PDE7A: variants seen among roughly 807,000 people sequenced by gnomAD.
PDE7A encodes phosphodiesterase 7A.
PDE7A carries 39 observed loss-of-function variants against 64.3 expected under a neutral mutation model. The ratio of observed to expected loss-of-function variants is 0.61; its 90% CI spans 0.47 to 0.79. PDE7A has a LOEUF of 0.79. Ranked by LOEUF, PDE7A falls within the 30% of genes least tolerant of loss-of-function variation. The pLI is 0.00. For missense variants in PDE7A, 470 were observed against 582.8 expected, an observed-to-expected ratio of 0.81 and a Z score of 1.99; for synonymous variants, 203 against 206.8, an observed-to-expected ratio of 0.98 and a Z score of 0.16.
chr8:65,724,779 G>A lies in PDE7A; in HGVS notation c.1063C>T (p.Gln355Ter), dbSNP rs1307709937. 1 of 1,601,622 alleles carries A rather than the reference G, an allele frequency of 6.2e-7. No individual in the cohort carries two copies. The highest frequency in any genetic ancestry group is 8.5e-7 in the Non-Finnish European group (1 of 1,174,622). ...AATGTTTCCAAGCCCCATTTTACCTGTAAAACCAAATGTCTGTGTCTGGTG... is the reference window on the plus strand; with the variant it reads ...AATGTTTCCAAGCCCCATTTTACCTATAAAACCAAATGTCTGTGTCTGGTG... The part of the protein sequence containing the change: ...EDTRHRHLVL[Q>*]MALKCADICN... The change falls in exon 10 of 13, where the codon CAG becomes TAG. Residue 355 changes from glutamine (Q) to a stop codon, truncating the protein, a stop_gained and splice_region_variant. Coordinates refer to ENST00000401827, the MANE Select transcript of PDE7A (RefSeq NM_001242318.3). LOFTEE classifies it high-confidence loss of function.
intron 1 of PDE7A, among the ~76,000 whole-genome samples, chr8:65,790,361 G>A (rs1809667519): frequency 6.6e-6 from 1 of 152,146 alleles, no homozygotes; most frequent in Non-Finnish European, 1.5e-5. Context: ...GTAGGGGCTG[G>A]ATGGGCAGTC....
At chr8:65,763,794 T>G (rs915463322) in intron 3 of PDE7A, among the ~76,000 whole-genome samples, 1 of 152,140 alleles carries the variant, frequency 6.6e-6, no homozygotes, top group Non-Finnish European at 1.5e-5. Flanking sequence ...AAACTTAACA[T>G]ACAAAATAAA....
intron 1 of PDE7A, among the ~76,000 whole-genome samples, chr8:65,834,035 T>C (rs1170298320): frequency 3.3e-5 from 5 of 152,126 alleles, no homozygotes; most frequent in African/African-American, 4.8e-5. Flanking sequence ...CAGAAACAAA[T>C]ACAGTTGACA....
chr8:65,758,563 G>A (rs1208447010), intron 3 of PDE7A, among the ~76,000 whole-genome samples: 2 of 152,196 alleles, frequency 1.3e-5, no homozygotes, highest in African/African-American at 2.4e-5. Flanking sequence ...TGCTGAATGT[G>A]AGCACACACT....
chr8:65,715,161 T>A lies in PDE7A; in HGVS notation c.*4129A>T, dbSNP rs1168971993. Among the ~76,000 whole-genome samples the A allele has an allele frequency of 6.6e-6, 1 of 152,166 alleles. No individual in the cohort carries two copies. Among genetic ancestry groups the A allele is most frequent in the Non-Finnish European group, 1.5e-5 (1 of 68,026 alleles). ...TGTTCTGTAATATTTACTTGCTTTT[T>A]AAAAAAGTAATCTTTTAAATATTTA... On this transcript the variant is annotated 3_prime_UTR_variant, in exon 13 of 13. Transcript: ENST00000401827.
At chr8:65,798,634 G>A (rs73242917) in intron 1 of PDE7A, among the ~76,000 whole-genome samples, 3,189 of 152,230 alleles carry the variant, frequency 0.021, 49 homozygotes, top group African/African-American at 0.046. Flanking sequence ...TGCTCAACAT[G>A]TTTAATCATC....
intron 3 of PDE7A, among the ~76,000 whole-genome samples, chr8:65,768,814 A>G (rs1329769561): frequency 6.6e-6 from 1 of 152,192 alleles, no homozygotes; most frequent in African/African-American, 2.4e-5. Context: ...GATAAATATT[A>G]CCTTCTGTGC....
chr8:65,757,931 T>C (rs902201810), intron 3 of PDE7A, among the ~76,000 whole-genome samples: 2 of 152,244 alleles, frequency 1.3e-5, no homozygotes, highest in African/African-American at 4.8e-5. Flanking sequence ...CCAAGACTTT[T>C]AATGTAATAT....
intron 1 of PDE7A, among the ~76,000 whole-genome samples, chr8:65,823,739 T>A (rs1810598720): frequency 6.6e-6 from 1 of 152,156 alleles, no homozygotes. Flanking sequence ...AAAATCTTTA[T>A]CAAACTAGTA....
At chr8:65,757,927 CT>C (rs1447938791) in intron 3 of PDE7A, among the ~76,000 whole-genome samples, 1 of 152,154 alleles carries the variant, frequency 6.6e-6, no homozygotes, top group South Asian at 2.1e-4. Context: ...AACTCCAAGA[CT>C]TTTAATGTAA....
Position 65,715,059 on chromosome 8 carries a change from T to C in PDE7A, c.*4231A>G, listed in dbSNP as rs1806077230. 6.6e-6 allele frequency among the ~76,000 whole-genome samples: 1 copy of C among 152,188 alleles called. No individual in the cohort carries two copies. Among genetic ancestry groups the C allele is most frequent in the Non-Finnish European group, 1.5e-5 (1 of 68,036 alleles). On this transcript the variant is annotated 3_prime_UTR_variant, in exon 13 of 13. Transcript: ENST00000401827. ...GCAGAGACTCCCTCAGCCCCTGAAA[T>C]GTTGAGCCAAGAGGCCCAAAGGGTG...
At chr8:65,813,399 C>A (rs542768347) in intron 1 of PDE7A, among the ~76,000 whole-genome samples, 5 of 152,006 alleles carry the variant, frequency 3.3e-5, no homozygotes, top group African/African-American at 1.2e-4. Flanking sequence ...GATTAAATTA[C>A]AGTCCATTCA....
In PDE7A at chr8:65,779,165, A is replaced by G. The variant is rs954855663; in HGVS notation, c.283+555T>C. On this transcript the variant is annotated intron_variant, in intron 3 of 12. Transcript: ENST00000401827. Reference sequence around the variant, plus strand: ...ATCAATCCAAATTACTTTAGCTAACATTACTGAAAGTGGAACTCCTCCAGA... The same window carrying G: ...ATCAATCCAAATTACTTTAGCTAACGTTACTGAAAGTGGAACTCCTCCAGA... Among the ~76,000 whole-genome samples the G allele has an allele frequency of 2.6e-5, 4 of 152,218 alleles. No individual in the cohort carries two copies. The South Asian group carries it at 6.2e-4, about 24-fold the overall frequency.
At chr8:65,830,941 GA>G (rs148253561) in intron 1 of PDE7A, among the ~76,000 whole-genome samples, 37 of 149,624 alleles carry the variant, frequency 2.5e-4, no homozygotes, top group Non-Finnish European at 3.0e-4. Flanking sequence ...ACAGTTCAAA[GA>G]AAAAAAAAGA....
chr8:65,732,887 A>C (rs1401233700), intron 7 of PDE7A, among the ~76,000 whole-genome samples: 1 of 151,464 alleles, frequency 6.6e-6, no homozygotes, highest in East Asian at 1.9e-4. Context: ...TCTTTTTTTG[A>C]ATAAAAGAGA....
At position 65,841,586 on chromosome 8, in the gene PDE7A, C is replaced by T; in HGVS notation, c.-78G>A. 2 of 824,304 alleles carry T rather than the reference C, an allele frequency of 2.4e-6. No individual in the cohort carries two copies. Among genetic ancestry groups the T allele is most frequent in the Non-Finnish European group, 3.2e-6 (2 of 632,128 alleles). The allele number at this position is 824,304 out of a possible 1,614,324, so 51.1% of individuals were successfully genotyped here. ...CCCCTGCAGTGGGAGGGGGCCGCGG[C>T]TCGGGGGCTCCGGGCCGAGACGGGG... On this transcript the variant is annotated 5_prime_UTR_variant, in exon 1 of 13. Coordinates refer to ENST00000401827, the MANE Select transcript of PDE7A (RefSeq NM_001242318.3).
Position 65,719,498 on chromosome 8 carries a change from T to G in PDE7A, c.1244-3A>C. 1.2e-6 allele frequency: 2 copies of G among 1,601,132 alleles called. No individual in the cohort carries two copies. ...CTCCACTAGGTAAGTCATAAAACCT[T>G]GAGAAAATAGGAGAAAAAGTTATTA... On this transcript the variant is annotated splice_region_variant and splice_polypyrimidine_tract_variant and intron_variant, in intron 12 of 12. Transcript: ENST00000401827.
chr8:65,833,031 C>G (rs957474284), intron 1 of PDE7A, among the ~76,000 whole-genome samples: 2 of 152,214 alleles, frequency 1.3e-5, no homozygotes, highest in African/African-American at 4.8e-5. Flanking sequence ...AAACTTATAT[C>G]TTCTCCAAAT....
chr8:65,798,370 C>T (rs1182522427), intron 1 of PDE7A, among the ~76,000 whole-genome samples: 1 of 151,584 alleles, frequency 6.6e-6, no homozygotes, highest in African/African-American at 2.4e-5. Context: ...CCACCATCCC[C>T]AGCTAATTTT....
Sources: gnomAD v4.1 joint callset for allele counts (sites outside exome capture counted in the v4.1 genomes callset) on GRCh38, gnomAD v4.1.1 for gene constraint, MANE v1.5 for transcripts, NCBI Gene and HGNC (gene_info 2026-07-23, HGNC 2026-07-21) for gene names.